Variants in GOLGA7 observed in about 807,000 individuals in gnomAD.
GOLGA7 encodes golgin subfamily A member 7.
Under a neutral mutation model 21.1 loss-of-function variants are expected in GOLGA7, and 10 were observed. The observed-to-expected ratio is 0.47, with a 90% CI of 0.29 to 0.80. GOLGA7 has a LOEUF of 0.80. Among genes scored for constraint, GOLGA7 ranks in the 30% least tolerant of loss-of-function variants. The probability of loss-of-function intolerance (pLI) is 0.08; values close to 1 mark genes in which losing one functional copy is unlikely to be tolerated. For missense variants in GOLGA7, 114 were observed against 166.8 expected (o/e 0.68, Z 1.74); for synonymous variants, 64 against 62.6 (o/e 1.02, Z -0.10).
At chr8:41,496,529 AT>A (rs1267271906) in intron 1 of GOLGA7, among the ~76,000 whole-genome samples, 1 of 152,150 alleles carries the variant, frequency 6.6e-6, no homozygotes, top group Admixed American at 6.6e-5. Flanking sequence ...AAAATTGTTT[AT>A]TAGCTTGAGA....
chr8:41,500,132 A>G (rs1484105489), intron 2 of GOLGA7, among the ~76,000 whole-genome samples: 1 of 152,252 alleles, frequency 6.6e-6, no homozygotes, highest in Non-Finnish European at 1.5e-5. Context: ...CAGGGCGAAC[A>G]TGGTTGCTGA....
In GOLGA7 at chr8:41,510,291, T is replaced by C. The variant is rs555642747; in HGVS notation, c.*723T>C. ...CATTACCTTGAATGTTGGAAAGATA[T>C]GATACGTGCTGCTTGTTCATCACAA... On this transcript the variant is annotated 3_prime_UTR_variant, in exon 5 of 5. Coordinates refer to ENST00000357743, the MANE Select transcript of GOLGA7 (RefSeq NM_001002296.2). 6 of 152,666 alleles carry C rather than the reference T, an allele frequency of 3.9e-5. No individual in the cohort carries two copies. The highest frequency in any genetic ancestry group is 8.8e-5 in the Non-Finnish European group (6 of 68,042). The allele number at this position is 152,666 out of a possible 1,614,324, so 9.5% of individuals were successfully genotyped here. A position where few individuals can be genotyped will look rare whatever the true frequency, so the allele number is the denominator to read the frequency against.
At position 41,490,881 on chromosome 8, in the gene GOLGA7, C is replaced by T. The variant is rs772063962; in HGVS notation, c.27C>T (p.Ser9=). 20 of 1,600,960 alleles carry T rather than the reference C, an allele frequency of 1.2e-5. No individual in the cohort carries two copies. Among genetic ancestry groups the T allele is most frequent in the Non-Finnish European group, 1.7e-5 (20 of 1,173,474 alleles). MRPQQAPV[S]GKVFIQRDYS... is the part of the protein sequence containing the mutation. Reference sequence around the variant, plus strand: ...TGAGGCCGCAGCAGGCGCCGGTGTCCGGAAAGGTGTTCATTCAGCGAGACT... The same window carrying T: ...TGAGGCCGCAGCAGGCGCCGGTGTCTGGAAAGGTGTTCATTCAGCGAGACT... Residue 9 remains serine, a synonymous_variant, in exon 1 of 5, where the codon TCC becomes TCT. Coordinates refer to ENST00000357743, the MANE Select transcript of GOLGA7 (RefSeq NM_001002296.2).
At chr8:41,493,340 G>A (rs7005060) in intron 1 of GOLGA7, among the ~76,000 whole-genome samples, 1 of 152,106 alleles carries the variant, frequency 6.6e-6, no homozygotes, top group Non-Finnish European at 1.5e-5. Context: ...ATCACACTTG[G>A]CAACATAATA....
chr8:41,496,180 A>G (rs1806008693), intron 1 of GOLGA7, among the ~76,000 whole-genome samples: 1 of 152,162 alleles, frequency 6.6e-6, no homozygotes, highest in African/African-American at 2.4e-5. Context: ...ACACTGAACC[A>G]TCTTATCACC....
At chr8:41,498,914 G>A (rs188774582) in intron 2 of GOLGA7, among the ~76,000 whole-genome samples, 13 of 152,248 alleles carry the variant, frequency 8.5e-5, no homozygotes, top group Admixed American at 5.9e-4. Flanking sequence ...CTTAGAAAAC[G>A]AAATGCTATA....
At chr8:41,498,683 A>C (rs1405543218) in intron 2 of GOLGA7, among the ~76,000 whole-genome samples, 1 of 152,208 alleles carries the variant, frequency 6.6e-6, no homozygotes, top group Non-Finnish European at 1.5e-5. Flanking sequence ...GTTTTCTGGC[A>C]CTTGCCTCAC....
chr8:41,508,247 T>C (rs1806336616), intron 4 of GOLGA7, among the ~76,000 whole-genome samples: 1 of 152,212 alleles, frequency 6.6e-6, no homozygotes, highest in Non-Finnish European at 1.5e-5. Flanking sequence ...TATCCCCTTC[T>C]CTTCTTTTTC....
chr8:41,507,195 G>A, intron 4 of GOLGA7, 74 bp downstream of exon 4: 1 of 746,370 alleles, frequency 1.3e-6, no homozygotes, highest in African/African-American at 1.7e-5. Flanking sequence ...TTCCCCGCAT[G>A]GTAAATAAAT....
intron 2 of GOLGA7, among the ~76,000 whole-genome samples, chr8:41,498,882 A>G (rs184172049): frequency 1.2e-4 from 19 of 152,340 alleles, no homozygotes; most frequent in African/African-American, 4.6e-4. Flanking sequence ...AGCCCCTGGT[A>G]TATCACTAAA....
At chr8:41,498,691 C>T (rs776217264) in intron 2 of GOLGA7, among the ~76,000 whole-genome samples, 4 of 152,238 alleles carry the variant, frequency 2.6e-5, no homozygotes, top group African/African-American at 7.2e-5. Flanking sequence ...GCACTTGCCT[C>T]ACTCTTCTTT....
intron 2 of GOLGA7, among the ~76,000 whole-genome samples, chr8:41,498,410 A>C (rs979904539): frequency 2.0e-5 from 3 of 152,136 alleles, no homozygotes; most frequent in Admixed American, 2.0e-4. Context: ...CCACTGAGTA[A>C]AATTCAAGGC....
At chr8:41,500,549 C>T (rs575683867) in intron 2 of GOLGA7, among the ~76,000 whole-genome samples, 1 of 151,506 alleles carries the variant, frequency 6.6e-6, no homozygotes, top group South Asian at 2.1e-4. Context: ...AAGTGGGAAG[C>T]TACTCAAAGG....
In GOLGA7 at chr8:41,506,017, CTT is replaced by C. The variant is rs767591769; in HGVS notation, c.366+9_366+10del. 1 of 1,396,344 alleles carries C rather than the reference CTT, an allele frequency of 7.2e-7. No individual in the cohort carries two copies. The highest frequency in any genetic ancestry group is 1.8e-5 in the Admixed American group (1 of 54,716). 86.5% of individuals were successfully genotyped at this position (1,396,344 alleles called of 1,614,324 possible). On this transcript the variant is annotated splice_donor_region_variant and intron_variant, in intron 3 of 4. Transcript: ENST00000357743. ...ATTGAGCGAGGACTGCGAGTTGTAT[CTT>C]TTTAGTTCGGATCAGAAAGTCTAAA...
chr8:41,501,634 G>A (rs111433251), intron 2 of GOLGA7, among the ~76,000 whole-genome samples: 2,866 of 152,188 alleles, frequency 0.019, 72 homozygotes, highest in African/African-American at 0.061. Context: ...GGCCTCAAGC[G>A]ATCCTCCCGT....
chr8:41,501,962 T>C (rs1806160212), intron 2 of GOLGA7, among the ~76,000 whole-genome samples: 1 of 152,246 alleles, frequency 6.6e-6, no homozygotes, highest in South Asian at 2.1e-4. Context: ...AGGTCCTATT[T>C]TATAGGTCTA....
At chr8:41,508,795 G>A (rs139311496) in intron 4 of GOLGA7, among the ~76,000 whole-genome samples, 1 of 152,186 alleles carries the variant, frequency 6.6e-6, no homozygotes, top group African/African-American at 2.4e-5. Flanking sequence ...TTCGTTTTGG[G>A]ATTTGGGTGT....
intron 2 of GOLGA7, among the ~76,000 whole-genome samples, chr8:41,501,205 AAATT>A (rs1308539448): frequency 6.6e-6 from 1 of 152,208 alleles, no homozygotes; most frequent in Non-Finnish European, 1.5e-5. Context: ...GATCTTGGAC[AAATT>A]AATCTCTCTG....
chr8:41,502,802 A>G (rs1208812593), intron 2 of GOLGA7: 1 of 152,208 alleles, frequency 6.6e-6, no homozygotes, highest in African/African-American at 2.4e-5. Flanking sequence ...CTTTGTAAAT[A>G]TTATACAAAT....
Sources: allele counts gnomAD v4.1 joint callset (sites outside exome capture counted in the v4.1 genomes callset), GRCh38; gene constraint gnomAD v4.1.1; transcripts MANE v1.5; gene names NCBI Gene and HGNC (gene_info 2026-07-23, HGNC 2026-07-21).